Variants in NLRC5 observed in about 807,000 individuals in gnomAD.
The protein encoded by NLRC5 is protein NLRC5.
Under a neutral mutation model 206.9 loss-of-function variants are expected in NLRC5, and 114 were observed. The ratio of observed to expected loss-of-function variants is 0.55; its 90% confidence interval spans 0.47 to 0.64. The LOEUF (loss-of-function observed/expected upper bound fraction) is 0.64, where lower values mean the gene tolerates loss of function less well. NLRC5 is among the 30% of genes least tolerant of loss of function. NLRC5 has a pLI of 0.00. For synonymous variants in NLRC5, 952 were observed against 962.8 expected, an observed-to-expected ratio of 0.99 and a Z score of 0.21; for missense variants, 2,008 against 2,305.5, an observed-to-expected ratio of 0.87 and a Z score of 2.64.
intron 1 of NLRC5, among the ~76,000 whole-genome samples, chr16:57,007,491 G>A (rs1231480505): frequency 3.9e-5 from 6 of 152,132 alleles, no homozygotes; most frequent in African/African-American, 9.7e-5. Context: ...GGGAGGCCGA[G>A]GCAGGTAGAT....
chr16:57,063,588 C>T (rs1401372902), intron 32 of NLRC5, among the ~76,000 whole-genome samples: 1 of 152,188 alleles, frequency 6.6e-6, no homozygotes. Flanking sequence ...TGAGGTCTCA[C>T]TGTTTTGCCC....
chr16:57,015,359 G>T (rs1283667230), intron 1 of NLRC5, among the ~76,000 whole-genome samples: 10 of 152,154 alleles, frequency 6.6e-5, no homozygotes, highest in Non-Finnish European at 1.2e-4. Context: ...TGAATTGGTG[G>T]GGGAGGTGGG....
chr16:57,049,942 G>C (rs1344018915), intron 23 of NLRC5, among the ~76,000 whole-genome samples: 1 of 151,982 alleles, frequency 6.6e-6, no homozygotes, highest in East Asian at 1.9e-4. Context: ...GGTACTCAAT[G>C]CTGAAGTCCA....
intron 29 of NLRC5, 90 bp downstream of exon 29, chr16:57,059,151 T>C: frequency 1.2e-6 from 2 of 1,606,998 alleles, no homozygotes; most frequent in Admixed American, 1.7e-5. Context: ...ACCCACACTT[T>C]GTGGCCTTCC....
At chr16:57,007,995 T>A (rs529960985) in intron 1 of NLRC5, among the ~76,000 whole-genome samples, 1 of 152,346 alleles carries the variant, frequency 6.6e-6, no homozygotes, top group Admixed American at 6.5e-5. Context: ...AATTTATATC[T>A]GATCAGTTTC....
intron 42 of NLRC5, 48 bp downstream of exon 42, chr16:57,077,850 A>C (rs1184131008): frequency 6.3e-7 from 1 of 1,590,416 alleles, no homozygotes. Flanking sequence ...CCCCAGGTCC[A>C]CCTGGCCTCC....
intron 36 of NLRC5, 190 bp from the exon 37 acceptor site, chr16:57,069,646 A>G: frequency 1.7e-6 from 1 of 605,220 alleles, no homozygotes; most frequent in Non-Finnish European, 3.0e-6. Flanking sequence ...GAACTAGTCC[A>G]TGCTTCTGCT....
At position 57,058,957 on chromosome 16, in the gene NLRC5, C is replaced by A; in HGVS notation, c.3831-15C>A. The A allele has an allele frequency of 1.2e-6, 2 of 1,612,600 alleles. No homozygotes were observed. Among genetic ancestry groups the A allele is most frequent in the Non-Finnish European group, 1.7e-6 (2 of 1,178,600 alleles). On this transcript the variant is annotated splice_polypyrimidine_tract_variant and intron_variant, in intron 28 of 48. Coordinates refer to ENST00000688547, the MANE Select transcript of NLRC5 (RefSeq NM_001384950.1). ...CCTGCCCTCACTCCCATTCTCATCTCCATTTCCCTTCTAGTCTGAGTCACA... is the reference window on the plus strand; with the variant it reads ...CCTGCCCTCACTCCCATTCTCATCTACATTTCCCTTCTAGTCTGAGTCACA...
chr16:57,077,260 C>A (rs112202253), intron 40 of NLRC5, 36 bp from the exon 41 acceptor site: 10 of 1,587,304 alleles, frequency 6.3e-6, no homozygotes, highest in Non-Finnish European at 6.9e-6. Context: ...CAAGATGAGA[C>A]GGCAGAAGGC....
Position 57,020,683 on chromosome 16 carries a change from T to C in NLRC5, c.-12-18T>C. On this transcript the variant is annotated intron_variant, in intron 2 of 48. Transcript: ENST00000688547. ...TTACCTGTCCCCCTCAACTCACCTA[T>C]CTTCCCTGTCCCTCCAGGGCTGGCT... 6.5e-7 allele frequency: 1 copy of C among 1,534,852 alleles called. No individual in the cohort carries two copies. Among genetic ancestry groups the C allele is most frequent in the Non-Finnish European group, 8.8e-7 (1 of 1,134,284 alleles).
intron 24 of NLRC5, among the ~76,000 whole-genome samples, chr16:57,054,038 A>G (rs1285806422): frequency 6.6e-6 from 1 of 152,148 alleles, no homozygotes. Context: ...TTACTGGATG[A>G]GGCAAATGGA....
chr16:57,082,774 G>T lies in NLRC5; in HGVS notation c.*246G>T. 1 of 406,440 alleles carries T rather than the reference G, an allele frequency of 2.5e-6. No homozygotes were observed. The highest frequency in any genetic ancestry group is 4.4e-6 in the Non-Finnish European group (1 of 226,536). 25.2% of individuals were successfully genotyped at this position (406,440 alleles called of 1,614,324 possible). ...TATGTGTGATCAATTGGGGACATGC[G>T]ACACACAATGAGGGTGTCATGACAA... is the stretch of plus-strand genomic sequence containing the variant. On this transcript the variant is annotated 3_prime_UTR_variant, in exon 49 of 49. Coordinates refer to ENST00000688547, the MANE Select transcript of NLRC5 (RefSeq NM_001384950.1).
intron 1 of NLRC5, among the ~76,000 whole-genome samples, chr16:57,016,836 G>C (rs1277638854): frequency 6.6e-6 from 1 of 152,190 alleles, no homozygotes; most frequent in Non-Finnish European, 1.5e-5. Context: ...GGCATCCTCT[G>C]AGCCAGGTGT....
chr16:57,079,201 G>A lies in NLRC5; in HGVS notation c.5166-20G>A, dbSNP rs1416906677. 4 of 1,614,024 alleles carry A rather than the reference G, an allele frequency of 2.5e-6. No homozygotes were observed. Among genetic ancestry groups the A allele is most frequent in the Non-Finnish European group, 3.4e-6 (4 of 1,180,012 alleles). On this transcript the variant is annotated intron_variant, in intron 44 of 48. Coordinates refer to ENST00000688547, the MANE Select transcript of NLRC5 (RefSeq NM_001384950.1). The stretch of plus-strand genomic sequence containing the variant: ...GCGGGTCTGGGGGTTCCTCTCACAG[G>A]TATCTCCCCTACCCTGCAGCTTGGC...
chr16:57,039,250 C>T (rs1292529190), intron 15 of NLRC5, among the ~76,000 whole-genome samples: 5 of 152,162 alleles, frequency 3.3e-5, no homozygotes, highest in African/African-American at 1.2e-4. Flanking sequence ...AATTTGTTTT[C>T]TTTTAAGACT....
At chr16:57,018,512 A>G (rs559662203) in intron 2 of NLRC5, among the ~76,000 whole-genome samples, 7 of 152,258 alleles carry the variant, frequency 4.6e-5, no homozygotes, top group Admixed American at 2.0e-4. Context: ...GTGAGGACCT[A>G]TTGCTATTAG....
intron 2 of NLRC5, among the ~76,000 whole-genome samples, chr16:57,019,865 C>A (rs58001087): frequency 6.6e-6 from 1 of 152,142 alleles, no homozygotes; most frequent in Non-Finnish European, 1.5e-5. Flanking sequence ...CTAGTTGTCT[C>A]TGCCATGAGG....
chr16:57,076,269 T>C (rs1174447933), intron 39 of NLRC5, among the ~76,000 whole-genome samples: 1 of 152,170 alleles, frequency 6.6e-6, no homozygotes, highest in Non-Finnish European at 1.5e-5. Flanking sequence ...TGCAAACAAA[T>C]ACTTCCCAAG....
chr16:57,070,666 A>G (rs2067539167), intron 38 of NLRC5, 48 bp downstream of exon 38: 2 of 1,492,960 alleles, frequency 1.3e-6, no homozygotes, highest in Non-Finnish European at 1.8e-6. Context: ...GGGGTGGTTA[A>G]TGGATGGTGG....
Sources: gnomAD v4.1 joint callset for allele counts (sites outside exome capture counted in the v4.1 genomes callset) on GRCh38, gnomAD v4.1.1 for gene constraint, MANE v1.5 for transcripts, NCBI Gene and HGNC (gene_info 2026-07-23, HGNC 2026-07-21) for gene names.